TBXAS1: variants seen among roughly 807,000 people sequenced by gnomAD.
TBXAS1 encodes thromboxane A synthase 1.
TBXAS1 carries 48 observed loss-of-function variants against 60.7 expected under a neutral mutation model. The ratio of observed to expected loss-of-function variants is 0.79; its 90% confidence interval spans 0.63 to 1.01. TBXAS1 has a LOEUF of 1.01. TBXAS1 is among the 50% of genes least tolerant of loss of function. The pLI is 0.00. For missense variants in TBXAS1, 685 were observed against 686.3 expected, an observed-to-expected ratio of 1.00 and a Z score of 0.02; for synonymous variants, 287 against 269.7, an observed-to-expected ratio of 1.06 and a Z score of -0.63.
intron 9 of TBXAS1, among the ~76,000 whole-genome samples, chr7:140,003,508 A>G (rs1238202486): frequency 1.3e-5 from 2 of 152,230 alleles, no homozygotes; most frequent in Non-Finnish European, 2.9e-5. Flanking sequence ...CCTGGCCTAC[A>G]TGTGCATCTT....
intron 1 of TBXAS1, among the ~76,000 whole-genome samples, chr7:139,863,719 G>A (rs1801141055): frequency 6.6e-6 from 1 of 151,878 alleles, no homozygotes; most frequent in African/African-American, 2.4e-5. Flanking sequence ...AAAACAACAA[G>A]GAACAAAGTC....
intron 9 of TBXAS1, among the ~76,000 whole-genome samples, chr7:140,002,693 C>T (rs1017880957): frequency 2.6e-5 from 4 of 152,056 alleles, no homozygotes; most frequent in African/African-American, 4.8e-5. Flanking sequence ...GACAGACAGT[C>T]GGAAAGACCT....
chr7:139,793,067 A>G (rs970602577), intron 4 of TBXAS1, among the ~76,000 whole-genome samples: 12 of 152,204 alleles, frequency 7.9e-5, no homozygotes, highest in African/African-American at 2.9e-4. Flanking sequence ...GGTATAAACT[A>G]AAAATATTAT....
chr7:139,783,963 C>T (rs1322752149), intron 3 of TBXAS1, among the ~76,000 whole-genome samples: 1 of 151,556 alleles, frequency 6.6e-6, no homozygotes. Context: ...TCTTGAATCA[C>T]TCCCCTCCCT....
intron 3 of TBXAS1, chr7:139,875,917 T>C: frequency 2.0e-6 from 1 of 493,570 alleles, no homozygotes; most frequent in Non-Finnish European, 3.7e-6. Context: ...TCATCTCCCG[T>C]TGCTGTGCTG....
chr7:139,843,216 C>T (rs1443634408), intron 1 of TBXAS1, among the ~76,000 whole-genome samples: 1 of 152,132 alleles, frequency 6.6e-6, no homozygotes, highest in Admixed American at 6.5e-5. Flanking sequence ...GTCTAAATGT[C>T]ACTCTTCCAT....
chr7:139,964,928 T>C (rs930147805), intron 9 of TBXAS1, among the ~76,000 whole-genome samples: 1 of 152,136 alleles, frequency 6.6e-6, no homozygotes, highest in East Asian at 1.9e-4. Context: ...CAAGTGCTCA[T>C]GTTAGGCCAG....
At chr7:139,835,392 C>T (rs1054216938) in intron 1 of TBXAS1, among the ~76,000 whole-genome samples, 1 of 152,112 alleles carries the variant, frequency 6.6e-6, no homozygotes, top group Non-Finnish European at 1.5e-5. Context: ...TAATGAAATA[C>T]TAGCTAACCA....
chr7:139,960,340 A>G (rs1810228933), intron 8 of TBXAS1, among the ~76,000 whole-genome samples: 1 of 152,180 alleles, frequency 6.6e-6, no homozygotes, highest in South Asian at 2.1e-4. Context: ...TTACATTTTT[A>G]TCTGTTGAGT....
At chr7:139,987,058 T>G (rs1812544618) in intron 9 of TBXAS1, among the ~76,000 whole-genome samples, 1 of 152,004 alleles carries the variant, frequency 6.6e-6, no homozygotes, top group Non-Finnish European at 1.5e-5. Context: ...AGCTTAGCAG[T>G]GCAGTCATGA....
chr7:139,927,426 C>T (rs1806978884), intron 4 of TBXAS1, among the ~76,000 whole-genome samples: 1 of 152,158 alleles, frequency 6.6e-6, no homozygotes, highest in African/African-American at 2.4e-5. Context: ...AAACTCTACG[C>T]TTTAACATAA....
At chr7:139,973,283 C>A (rs1044312297) in intron 9 of TBXAS1, among the ~76,000 whole-genome samples, 1 of 152,164 alleles carries the variant, frequency 6.6e-6, no homozygotes, top group Admixed American at 6.5e-5. Flanking sequence ...CTGCTATGGT[C>A]CGCCTCCTCT....
At chr7:139,822,911 A>G (rs1055967523) in intron 4 of TBXAS1, among the ~76,000 whole-genome samples, 3 of 152,098 alleles carry the variant, frequency 2.0e-5, no homozygotes, top group Admixed American at 6.6e-5. Context: ...CTAGAAGCCA[A>G]TCTGATCACG....
chr7:139,989,693 G>A lies in TBXAS1; in HGVS notation c.1135-17398G>A, dbSNP rs1812750882. Among the ~76,000 whole-genome samples, 3 of 152,198 alleles carry A rather than the reference G, an allele frequency of 2.0e-5. No homozygotes were observed. The South Asian group carries it at 6.2e-4, about 31-fold the overall frequency. On this transcript the variant is annotated intron_variant, in intron 9 of 12. Transcript: ENST00000448866. Reference sequence around the variant, plus strand: ...AAGACACATAGTCCTGTCCTCCGTGGCCTACGCAGATCCTTCCTGTTCCTG... The same window carrying A: ...AAGACACATAGTCCTGTCCTCCGTGACCTACGCAGATCCTTCCTGTTCCTG...
At chr7:139,888,342 T>A (rs936220925) in intron 3 of TBXAS1, among the ~76,000 whole-genome samples, 16 of 152,226 alleles carry the variant, frequency 1.1e-4, no homozygotes, top group Non-Finnish European at 1.6e-4. Flanking sequence ...TTTTGTCTTC[T>A]GTGTCTGAAA....
At chr7:139,961,224 G>T (rs1054184509) in intron 8 of TBXAS1, among the ~76,000 whole-genome samples, 1 of 152,208 alleles carries the variant, frequency 6.6e-6, no homozygotes, top group Non-Finnish European at 1.5e-5. Context: ...TTGAAGACAG[G>T]CGCCGCCAAA....
At chr7:139,977,829 A>G (rs979436653) in intron 9 of TBXAS1, among the ~76,000 whole-genome samples, 1 of 152,260 alleles carries the variant, frequency 6.6e-6, no homozygotes. Context: ...ATGGAGCGCC[A>G]TAATTATTCA....
At chr7:139,820,222 T>G (rs1798259748) in intron 4 of TBXAS1, among the ~76,000 whole-genome samples, 1 of 151,976 alleles carries the variant, frequency 6.6e-6, no homozygotes, top group Non-Finnish European at 1.5e-5. Flanking sequence ...GAGAACTACG[T>G]CTAGTCATCA....
chr7:139,888,907 G>A (rs1008642335), intron 3 of TBXAS1, among the ~76,000 whole-genome samples: 7 of 149,098 alleles, frequency 4.7e-5, no homozygotes, highest in Non-Finnish European at 7.4e-5. Context: ...TGGAGAAGGG[G>A]TGCAGGGGGA....
Sources: allele counts gnomAD v4.1 joint callset (sites outside exome capture counted in the v4.1 genomes callset), GRCh38; gene constraint gnomAD v4.1.1; transcripts MANE v1.5; gene names NCBI Gene and HGNC (gene_info 2026-07-23, HGNC 2026-07-21).